The following SLC22A24 variants were observed in gnomAD, a reference collection of about 807,000 sequenced individuals.
SLC22A24 encodes the protein solute carrier family 22 member 24, also known as steroid transmembrane transporter SLC22A24.
In SLC22A24, 53 loss-of-function variants were observed where a neutral mutation model predicts 49.8. The ratio of observed to expected loss-of-function variants is 1.06; its 90% CI spans 0.85 to 1.34. The LOEUF is 1.34. Among genes scored for constraint, SLC22A24 ranks in the 40% most tolerant of loss-of-function variants. SLC22A24 has a pLI of 0.00. For synonymous variants in SLC22A24, 302 were observed against 256.4 expected, an observed-to-expected ratio of 1.18 and a Z score of -1.70; for missense variants, 786 against 675.9, an observed-to-expected ratio of 1.16 and a Z score of -1.81.
chr11:63,143,724 C>G lies in SLC22A24; in HGVS notation c.56G>C (p.Cys19Ser). 1 of 1,515,508 alleles carries G rather than the reference C, an allele frequency of 6.6e-7. No individual in the cohort carries two copies. Among genetic ancestry groups the G allele is most frequent in the Non-Finnish European group, 8.8e-7 (1 of 1,132,122 alleles). 93.9% of individuals were successfully genotyped at this position (1,515,508 alleles called of 1,614,324 possible). A position where few individuals can be genotyped will look rare whatever the true frequency, so the allele number is the denominator to read the frequency against. Residue 19 changes from cysteine to serine, a missense_variant, in exon 1 of 10, where the codon TGT becomes TCT. Physicochemically the swap from Cys to Ser is moderately radical, Grantham distance 112. Coordinates refer to ENST00000612278, the MANE Select transcript of SLC22A24 (RefSeq NM_001136506.2). ...QVGGMGRFQI[C>S]LIAFFCITNI... ...GGTGATGCAAAAGAAAGCTATCAGACAAATCTGGAATCTCCCCATGCCACC... is the reference window on the plus strand; with the variant it reads ...GGTGATGCAAAAGAAAGCTATCAGAGAAATCTGGAATCTCCCCATGCCACC...
intron 6 of SLC22A24, among the ~76,000 whole-genome samples, chr11:63,086,541 C>G (rs1590727817): frequency 6.6e-6 from 1 of 152,242 alleles, no homozygotes; most frequent in Middle Eastern, 3.4e-3. Context: ...CAACAAACCT[C>G]TGTGAAATGA....
In SLC22A24 at chr11:63,081,541, G is replaced by T. The variant is rs765095430; in HGVS notation, c.1394+17C>A. On this transcript the variant is annotated intron_variant, in intron 8 of 9. Transcript: ENST00000612278. ...GAAATTTGTGTTTTGAAACCAGATG[G>T]TCTTTAGCTCTTGTACCTCAATATG... The T allele has an allele frequency of 3.3e-6, 5 of 1,513,430 alleles. No individual in the cohort carries two copies. The Admixed American group carries it at 7.9e-5, about 24-fold the overall frequency. 93.8% of individuals were successfully genotyped at this position (1,513,430 alleles called of 1,614,324 possible). A position where few individuals can be genotyped will look rare whatever the true frequency, so the allele number is the denominator to read the frequency against.
At chr11:63,136,756 A>G (rs1232645092) in intron 1 of SLC22A24, among the ~76,000 whole-genome samples, 1 of 152,186 alleles carries the variant, frequency 6.6e-6, no homozygotes, top group Admixed American at 6.5e-5. Context: ...CTACCTGCCC[A>G]TGGTTCAGTG....
Position 63,143,603 on chromosome 11 carries a change from C to T in SLC22A24, c.177G>A (p.Val59=), listed in dbSNP as rs770751323. The change falls in exon 1 of 10, where the codon GTG becomes GTA. Residue 59 remains valine, a synonymous_variant. Transcript: ENST00000612278. ...TGAGGGTCCCGGTATCATTGTCAGA[C>T]ACAGTGTCATTGTCCAGGAGGGGGA... ...CWVPLLDNDT[V]SDNDTGTLSK... The T allele has an allele frequency of 1.9e-6, 3 of 1,578,610 alleles. No homozygotes were observed. The highest frequency in any genetic ancestry group is 1.8e-5 in the Admixed American group (1 of 55,564).
rs147418406 is a variant in SLC22A24 at position 63,123,139 on chromosome 11, A to G, written c.507-3804T>C. On this transcript the variant is annotated intron_variant, in intron 2 of 9. Transcript: ENST00000612278. ...GTGTCAGTCTTGATTTGGTTTAATG[A>G]ACTTACATTAAGGTGAAAATGAATG... Among the ~76,000 whole-genome samples, 437 of 152,304 alleles carry G rather than the reference A, an allele frequency of 2.9e-3. 2 individuals carry two copies. The highest frequency in any genetic ancestry group is 0.01 in the African/African-American group (420 of 41,566).
chr11:63,100,576 A>G (rs114088733), intron 5 of SLC22A24, among the ~76,000 whole-genome samples: 78 of 152,264 alleles, frequency 5.1e-4, no homozygotes, highest in African/African-American at 1.7e-3. Context: ...TTTTAGTGGA[A>G]CCACAAATGA....
intron 2 of SLC22A24, among the ~76,000 whole-genome samples, chr11:63,124,930 A>C (rs987187682): frequency 2.6e-5 from 4 of 151,086 alleles, no homozygotes; most frequent in African/African-American, 9.7e-5. Flanking sequence ...AGGAAGGGGA[A>C]CATCACACTC....
chr11:63,112,337 G>T (rs9666145), intron 4 of SLC22A24, among the ~76,000 whole-genome samples: 108,186 of 152,044 alleles, frequency 0.71, 40,093 homozygotes, highest in East Asian at 0.9. Flanking sequence ...TTGATTTGGG[G>T]TAGAGAGTTC....
At chr11:63,104,577 A>G (rs937015448) in intron 4 of SLC22A24, among the ~76,000 whole-genome samples, 1 of 152,150 alleles carries the variant, frequency 6.6e-6, no homozygotes, top group Non-Finnish European at 1.5e-5. Context: ...CTTATAAAGA[A>G]AGAAAGGTTT....
chr11:63,098,704 AAAC>A (rs2087070719), intron 5 of SLC22A24, among the ~76,000 whole-genome samples: 1 of 152,074 alleles, frequency 6.6e-6, no homozygotes, highest in South Asian at 2.1e-4. Context: ...TAAAAAAACT[AAAC>A]AATCTAATGA....
intron 2 of SLC22A24, among the ~76,000 whole-genome samples, chr11:63,121,470 A>C (rs2087251576): frequency 6.6e-6 from 1 of 152,120 alleles, no homozygotes; most frequent in Non-Finnish European, 1.5e-5. Flanking sequence ...AGTTTGAAGC[A>C]GCAGACTAGA....
At chr11:63,117,498 A>G (rs1405317025) in intron 4 of SLC22A24, among the ~76,000 whole-genome samples, 1 of 152,166 alleles carries the variant, frequency 6.6e-6, no homozygotes. Flanking sequence ...TCCAGAGGTG[A>G]GAGCTTAGGG....
intron 2 of SLC22A24, among the ~76,000 whole-genome samples, chr11:63,126,126 G>T (rs545699760): frequency 3.7e-4 from 57 of 152,132 alleles, no homozygotes; most frequent in African/African-American, 1.3e-3. Context: ...TCACTCTAAT[G>T]GTAGTTTCTT....
Position 63,083,247 on chromosome 11 carries a change from G to A in SLC22A24, c.1281C>T (p.Pro427=), listed in dbSNP as rs1182531764. ...TGAAACTCCTGTCTCTCTCACCTTG[G>A]GGCAAAAAGGTGTTGACCAGAATGA... ...GLFILVNTFL[P]QEMQILRVVL... Residue 427 remains proline (P), a synonymous_variant, in exon 7 of 10, where the codon CCC becomes CCT. Transcript: ENST00000612278. 2 of 1,553,398 alleles carry A rather than the reference G, an allele frequency of 1.3e-6. No homozygotes were observed. The highest frequency in any genetic ancestry group is 1.4e-5 in the African/African-American group (1 of 73,216).
intron 4 of SLC22A24, among the ~76,000 whole-genome samples, chr11:63,117,058 A>G (rs776183235): frequency 6.6e-6 from 1 of 152,194 alleles, no homozygotes; most frequent in Non-Finnish European, 1.5e-5. Context: ...CCTATGTCTC[A>G]TAAGCCAACA....
chr11:63,084,572 G>A (rs146226460), intron 6 of SLC22A24, among the ~76,000 whole-genome samples: 12 of 152,220 alleles, frequency 7.9e-5, no homozygotes, highest in African/African-American at 2.6e-4. Flanking sequence ...AGTGGTTACA[G>A]TGGAGGCCTC....
At chr11:63,111,762 A>G (rs2087167059) in intron 4 of SLC22A24, among the ~76,000 whole-genome samples, 1 of 152,026 alleles carries the variant, frequency 6.6e-6, no homozygotes, top group Non-Finnish European at 1.5e-5. Context: ...TAGACTTGCT[A>G]GTGGTCTATC....
intron 5 of SLC22A24, among the ~76,000 whole-genome samples, chr11:63,098,694 TAAAA>T (rs374983739): frequency 0.038 from 5,659 of 149,784 alleles, 132 homozygotes; most frequent in Non-Finnish European, 0.058. Context: ...AACAAACAAA[TAAAA>T]AAACTAAACA....
chr11:63,097,506 C>T (rs752886616), intron 5 of SLC22A24, among the ~76,000 whole-genome samples: 3 of 152,072 alleles, frequency 2.0e-5, no homozygotes, highest in Admixed American at 6.6e-5. Flanking sequence ...TGTGGAAGAT[C>T]GTGTGGCAAC....
Sources: gnomAD v4.1 joint callset for allele counts (sites outside exome capture counted in the v4.1 genomes callset) on GRCh38, gnomAD v4.1.1 for gene constraint, MANE v1.5 for transcripts, NCBI Gene and HGNC (gene_info 2026-07-23, HGNC 2026-07-21) for gene names.